Variants in AK8 observed in about 807,000 individuals in gnomAD.
The protein encoded by AK8 is adenylate kinase 8, also known as ATP-AMP transphosphorylase 8.
Under a neutral mutation model 54.6 loss-of-function variants are expected in AK8, and 44 were observed. That is an observed-to-expected ratio of 0.81 (90% CI 0.63 to 1.04). The LOEUF (loss-of-function observed/expected upper bound fraction) is 1.04. Among genes scored for constraint, AK8 ranks in the 50% least tolerant of loss-of-function variants. AK8 has a pLI of 0.00. For synonymous variants in AK8, 239 were observed against 245.6 expected, an observed-to-expected ratio of 0.97 and a Z score of 0.25; for missense variants, 555 against 613.6, an observed-to-expected ratio of 0.90 and a Z score of 1.01.
At chr9:132,792,930 C>T (rs1840008729) in intron 10 of AK8, among the ~76,000 whole-genome samples, 155 bp from the exon 11 acceptor site, 1 of 152,210 alleles carries the variant, frequency 6.6e-6, no homozygotes, top group African/African-American at 2.4e-5. Flanking sequence ...GTGCCTATTT[C>T]CCAGGTCCCT....
At chr9:132,816,088 TCATGC>T (rs1841314260) in intron 9 of AK8, among the ~76,000 whole-genome samples, 1 of 152,184 alleles carries the variant, frequency 6.6e-6, no homozygotes, top group South Asian at 2.1e-4. Context: ...GCGCAGTGGC[TCATGC>T]CTGTAATCCC....
chr9:132,865,923 C>T lies in AK8; in HGVS notation c.219+981G>A, dbSNP rs190862384. On this transcript the variant is annotated intron_variant, in intron 3 of 12. Coordinates refer to ENST00000298545, the MANE Select transcript of AK8 (RefSeq NM_152572.3). Reference sequence around the variant, plus strand: ...ACTTAAAAATGGACCTTAGGCTGGGCGTGGTGGCTCACGTCTGTAATCCCA... The same window carrying T: ...ACTTAAAAATGGACCTTAGGCTGGGTGTGGTGGCTCACGTCTGTAATCCCA... 4.0e-3 allele frequency among the ~76,000 whole-genome samples: 607 copies of T among 152,216 alleles called. 4 individuals are homozygous for T. The highest frequency in any genetic ancestry group is 0.014 in the African/African-American group (572 of 41,540).
chr9:132,773,903 AAGAAGAAACACC>A (rs1488906730), intron 11 of AK8, among the ~76,000 whole-genome samples: 2 of 152,198 alleles, frequency 1.3e-5, no homozygotes, highest in African/African-American at 2.4e-5. Flanking sequence ...GGTGTTCTGA[AAGAAGAAACACC>A]ATGAGTAAAA....
intron 5 of AK8, among the ~76,000 whole-genome samples, chr9:132,846,546 T>C (rs1171921143): frequency 7.6e-6 from 1 of 131,264 alleles, no homozygotes; most frequent in Non-Finnish European, 1.8e-5. Context: ...AATGAATGAA[T>C]GAATGAGTAC....
intron 4 of AK8, among the ~76,000 whole-genome samples, chr9:132,855,310 T>G (rs1843134403): frequency 6.6e-6 from 1 of 152,140 alleles, no homozygotes; most frequent in African/African-American, 2.4e-5. Flanking sequence ...ACTCTGTCAC[T>G]GCACTAACCA....
At chr9:132,867,428 T>C (rs920808849) in intron 2 of AK8, among the ~76,000 whole-genome samples, 2 of 152,258 alleles carry the variant, frequency 1.3e-5, no homozygotes, top group African/African-American at 2.4e-5. Context: ...GCCAGATTTA[T>C]AAAACCCAAG....
intron 4 of AK8, among the ~76,000 whole-genome samples, chr9:132,859,371 G>T (rs1386357603): frequency 6.6e-6 from 1 of 152,030 alleles, no homozygotes; most frequent in African/African-American, 2.4e-5. Flanking sequence ...CAGGCAGCAG[G>T]GACTACAGGC....
chr9:132,860,477 A>G lies in AK8; in HGVS notation c.333+3188T>C, dbSNP rs1843342301. ...ACATCTGGCGGACTCGAACGCAGGT[A>G]GAGGACAGGGAGAGTTCTAGAGGAA... On this transcript the variant is annotated intron_variant, in intron 4 of 12. Coordinates refer to ENST00000298545, the MANE Select transcript of AK8 (RefSeq NM_152572.3). The surrounding 1 kb of genome is among the most constrained non-coding windows in gnomAD (Gnocchi z 4.4). Among the ~76,000 whole-genome samples the G allele has an allele frequency of 6.6e-6, 1 of 152,230 alleles. No individual in the cohort carries two copies. The highest frequency in any genetic ancestry group is 1.5e-5 in the Non-Finnish European group (1 of 68,042).
intron 11 of AK8, among the ~76,000 whole-genome samples, chr9:132,749,417 C>T (rs899298630): frequency 1.3e-5 from 2 of 152,014 alleles, no homozygotes; most frequent in African/African-American, 2.4e-5. Context: ...TGCTCTTGTG[C>T]GAGGCCCCTC....
rs1347700761 is a variant in AK8 at position 132,800,452 on chromosome 9, A to G, written c.980-7677T>C. ...GATTGTTCCATCGGCCGCACCCTGC[A>G]ATTCCTAAGGGAGGGTAAGGCCACT... On this transcript the variant is annotated intron_variant, in intron 10 of 12. Transcript: ENST00000298545. Among the ~76,000 whole-genome samples the G allele has an allele frequency of 2.0e-5, 3 of 152,224 alleles. No homozygotes were observed. The East Asian group carries it at 5.8e-4, about 29-fold the overall frequency.
chr9:132,815,934 C>G (rs1009254374), intron 9 of AK8, among the ~76,000 whole-genome samples: 1 of 152,194 alleles, frequency 6.6e-6, no homozygotes, highest in African/African-American at 2.4e-5. Flanking sequence ...ACAAAATTAC[C>G]ATCACCAGGG....
At chr9:132,821,249 C>T (rs1381629010) in intron 9 of AK8, among the ~76,000 whole-genome samples, 2 of 151,892 alleles carry the variant, frequency 1.3e-5, no homozygotes, top group African/African-American at 4.8e-5. Flanking sequence ...CAGACTCTCC[C>T]TCCACCGCGA....
At chr9:132,859,632 GT>G (rs1416994181) in intron 4 of AK8, among the ~76,000 whole-genome samples, 1 of 123,628 alleles carries the variant, frequency 8.1e-6, no homozygotes, top group Non-Finnish European at 1.7e-5. Flanking sequence ...CCCCTACCCT[GT>G]CCCCCTCCTT....
At chr9:132,877,631 G>A (rs1844184434) in intron 1 of AK8, 1 of 318,428 alleles carries the variant, frequency 3.1e-6, no homozygotes, top group Non-Finnish European at 6.4e-6. Flanking sequence ...TGAGAGCTTC[G>A]GAGCTGCCGG....
intron 2 of AK8, among the ~76,000 whole-genome samples, chr9:132,868,597 G>A (rs763385295): frequency 4.6e-5 from 7 of 152,218 alleles, no homozygotes; most frequent in Non-Finnish European, 7.4e-5. Flanking sequence ...AGTCTTCCAC[G>A]TTGGTGAATG....
At chr9:132,796,164 C>G (rs1201517459) in intron 10 of AK8, among the ~76,000 whole-genome samples, 1 of 152,182 alleles carries the variant, frequency 6.6e-6, no homozygotes. Flanking sequence ...GGGATAGGAC[C>G]CTGATCCCCG....
At chr9:132,796,733 T>C (rs1248653033) in intron 10 of AK8, among the ~76,000 whole-genome samples, 4 of 151,856 alleles carry the variant, frequency 2.6e-5, no homozygotes, top group Admixed American at 2.6e-4. Flanking sequence ...CATATATTCA[T>C]ATGTGACTAT....
At chr9:132,852,217 T>C (rs969315050) in intron 5 of AK8, among the ~76,000 whole-genome samples, 1 of 152,224 alleles carries the variant, frequency 6.6e-6, no homozygotes, top group African/African-American at 2.4e-5. Flanking sequence ...CTCACGCCTG[T>C]AATCTCAGCA....
chr9:132,787,578 T>C (rs1271847633), intron 11 of AK8, among the ~76,000 whole-genome samples: 2 of 152,150 alleles, frequency 1.3e-5, no homozygotes, highest in African/African-American at 2.4e-5. Context: ...TTACCTCCCA[T>C]ACACTGTTTC....
Sources: gnomAD v4.1 joint callset for allele counts (sites outside exome capture counted in the v4.1 genomes callset) on GRCh38, gnomAD v4.1.1 for gene constraint, Gnocchi (gnomAD v3.1) non-coding constraint, MANE v1.5 for transcripts, NCBI Gene and HGNC (gene_info 2026-07-23, HGNC 2026-07-21) for gene names.